The following R3HCC1 variants were observed in gnomAD, a reference collection of about 807,000 sequenced individuals.
R3HCC1 encodes R3H domain and coiled-coil containing 1, also known as R3H and coiled-coil domain-containing protein 1.
R3HCC1 carries 32 observed loss-of-function variants against 40.0 expected under a neutral mutation model. The observed-to-expected ratio is 0.80, with a 90% CI of 0.60 to 1.07. The LOEUF (loss-of-function observed/expected upper bound fraction) is 1.07, where lower values mean the gene tolerates loss of function less well. Ranked by LOEUF, R3HCC1 falls within the 50% of genes least tolerant of loss-of-function variation. The pLI is 0.00. For missense variants in R3HCC1, 586 were observed against 563.3 expected (o/e 1.04, Z -0.41); for synonymous variants, 237 against 232.8 (o/e 1.02, Z -0.17).
intron 7 of R3HCC1, 106 bp downstream of exon 7, chr8:23,294,970 C>A: frequency 1.2e-6 from 1 of 852,514 alleles, no homozygotes; most frequent in Admixed American, 2.0e-5. Flanking sequence ...AGGGTCTTCC[C>A]CTCTGTTAAT....
chr8:23,293,309 G>A lies in R3HCC1; in HGVS notation c.1032G>A (p.Lys344=), dbSNP rs1478614466. Residue 344 remains lysine, a synonymous_variant, in exon 6 of 8, where the codon AAG becomes AAA. Coordinates refer to ENST00000265806, the MANE Select transcript of R3HCC1 (RefSeq NM_001136108.3). Reference sequence around the variant, plus strand: ...CTCCTCTCTCGCCGCACAGAGAGAAGGGGTTCAGGATTCAGTGGGTGGATG... The same window carrying A: ...CTCCTCTCTCGCCGCACAGAGAGAAAGGGTTCAGGATTCAGTGGGTGGATG... 3 of 1,551,456 alleles carry A rather than the reference G, an allele frequency of 1.9e-6. No homozygotes were observed. Among genetic ancestry groups the A allele is most frequent in the Admixed American group, 3.9e-5 (2 of 50,990 alleles).
Position 23,290,441 on chromosome 8 carries a change from A to T in R3HCC1, c.824A>T (p.Glu275Val). Residue 275 changes from glutamate to valine, a missense_variant, in exon 4 of 8, where the codon GAG (glutamate) becomes GTG (valine). Transcript: ENST00000265806. ...GAGGATGGCCCCAGCAGCTGCTCGG[A>T]GGACGATTACAGTGAGCTGCTGCAG... 6.4e-7 allele frequency: 1 copy of T among 1,551,134 alleles called. No individual in the cohort carries two copies. The highest frequency in any genetic ancestry group is 8.7e-7 in the Non-Finnish European group (1 of 1,146,800).
chr8:23,293,634 G>A (rs1186771499), intron 6 of R3HCC1, among the ~76,000 whole-genome samples: 3 of 152,236 alleles, frequency 2.0e-5, no homozygotes, highest in African/African-American at 4.8e-5. Flanking sequence ...CTTTGCTGAG[G>A]AAGGTCGTGA....
chr8:23,291,169 CAAGT>C (rs1482611829), intron 4 of R3HCC1, 188 bp from the exon 5 acceptor site: 1 of 608,334 alleles, frequency 1.6e-6, no homozygotes, highest in Admixed American at 3.1e-5. Context: ...GGACTCCATA[CAAGT>C]AAGTGCCCTC....
At chr8:23,293,249 A>T in intron 5 of R3HCC1, 54 bp from the exon 6 acceptor site, 1 of 1,433,772 alleles carries the variant, frequency 7.0e-7, no homozygotes. Context: ...GGATTCGAAG[A>T]GGAGTTTGAC....
At chr8:23,291,570 G>T in intron 5 of R3HCC1, 37 bp downstream of exon 5, 1 of 1,546,822 alleles carries the variant, frequency 6.5e-7, no homozygotes, top group Non-Finnish European at 8.7e-7. Context: ...CTTCAGAGAG[G>T]AGCTAAGATA....
rs1484029781 is a variant in R3HCC1, at chr8:23,291,501, G to A, written c.993G>A (p.Thr331=). The A allele has an allele frequency of 7.1e-6, 11 of 1,551,272 alleles. No individual in the cohort carries two copies. Among genetic ancestry groups the A allele is most frequent in the Non-Finnish European group, 7.0e-6 (8 of 1,146,928 alleles). Reference sequence around the variant, plus strand: ...ATGACTTTGAACCAGCGCTCAAGACGGAGGACCTGCTGGCAACGTTTTCTG... The same window carrying A: ...ATGACTTTGAACCAGCGCTCAAGACAGAGGACCTGCTGGCAACGTTTTCTG... The change falls in exon 5 of 8, where the codon ACG becomes ACA. Residue 331 remains threonine, a synonymous_variant. Transcript: ENST00000265806.
intron 3 of R3HCC1, 109 bp downstream of exon 3, chr8:23,289,262 C>T (rs1049814927): frequency 7.7e-5 from 95 of 1,231,362 alleles, no homozygotes; most frequent in African/African-American, 1.2e-4. Flanking sequence ...CTGGGACCCC[C>T]GGCTGCTGCC....
At chr8:23,293,028 T>G (rs1431881729) in intron 5 of R3HCC1, among the ~76,000 whole-genome samples, 1 of 152,202 alleles carries the variant, frequency 6.6e-6, no homozygotes. Flanking sequence ...CTTGGTGTCG[T>G]GCCATATGAG....
chr8:23,288,755 A>AT, intron 2 of R3HCC1, 122 bp downstream of exon 2: 1 of 1,239,994 alleles, frequency 8.1e-7, no homozygotes, highest in Non-Finnish European at 1.1e-6. Flanking sequence ...TTTAGTCTTT[A>AT]TAACGCCAGC....
chr8:23,291,647 G>T, intron 5 of R3HCC1, 114 bp downstream of exon 5: 1 of 1,466,812 alleles, frequency 6.8e-7, no homozygotes, highest in Non-Finnish European at 9.1e-7. Flanking sequence ...AAGAGAGACA[G>T]AAAGTGGGTG....
intron 3 of R3HCC1, among the ~76,000 whole-genome samples, chr8:23,289,562 G>T (rs989320137): frequency 1.3e-5 from 2 of 152,158 alleles, no homozygotes; most frequent in African/African-American, 2.4e-5. Context: ...TGTTTGAAGT[G>T]ACATGTTTTT....
At chr8:23,291,973 G>T (rs1802877438) in intron 5 of R3HCC1, among the ~76,000 whole-genome samples, 1 of 152,226 alleles carries the variant, frequency 6.6e-6, no homozygotes, top group Non-Finnish European at 1.5e-5. Flanking sequence ...TCGGAATGGT[G>T]GCCAGAGGCT....
chr8:23,295,537 C>G lies in R3HCC1; in HGVS notation c.1193-430C>G, dbSNP rs180690440. 5.1e-4 allele frequency: 235 copies of G among 462,558 alleles called. No individual in the cohort carries two copies. In the East Asian group the frequency reaches 0.011, roughly 22 times the overall value. 28.7% of individuals were successfully genotyped at this position (462,558 alleles called of 1,614,324 possible). On this transcript the variant is annotated intron_variant, in intron 7 of 7. Transcript: ENST00000265806. ...CTAGTAAAATGGACCTGCAAGAGGC[C>G]TGCCGAGGCCAGCTGTGCTCTCGTG...
chr8:23,291,365 C>T lies in R3HCC1; in HGVS notation c.857C>T (p.Thr286Ile), dbSNP rs888375485. The T allele has an allele frequency of 3.9e-6, 6 of 1,551,662 alleles. No homozygotes were observed. The highest frequency in any genetic ancestry group is 1.4e-5 in the African/African-American group (1 of 73,166). The change falls in exon 5 of 8, where the codon ACA becomes ATA. Residue 286 changes from threonine (T) to isoleucine (I), a missense_variant. Transcript: ENST00000265806. ...TAAGGGTCCGATCTCTCCTAGATCA[C>T]AGACAACCTGACGAAGAAGGAGATT...
chr8:23,293,047 G>A (rs887749869), intron 5 of R3HCC1, among the ~76,000 whole-genome samples: 3 of 152,170 alleles, frequency 2.0e-5, no homozygotes, highest in African/African-American at 7.2e-5. Context: ...AGCTCTTTGA[G>A]TCCTGGCTTC....
At position 23,295,912 on chromosome 8, in the gene R3HCC1, G is replaced by A. The variant is rs376934479; in HGVS notation, c.1193-55G>A. 369 of 1,501,884 alleles carry A rather than the reference G, an allele frequency of 2.5e-4. 1 individual carries two copies. In the African/African-American group the frequency reaches 3.8e-3, roughly 15 times the overall value. The allele number at this position is 1,501,884 out of a possible 1,614,324, so 93.0% of individuals were successfully genotyped here. Reference sequence around the variant, plus strand: ...CTTGTACGGCTGCTGTGTTGCTGGGGGAGAGGCAGCCACGACCTTGTGTTT... The same window carrying A: ...CTTGTACGGCTGCTGTGTTGCTGGGAGAGAGGCAGCCACGACCTTGTGTTT... On this transcript the variant is annotated intron_variant, in intron 7 of 7. Coordinates refer to ENST00000265806, the MANE Select transcript of R3HCC1 (RefSeq NM_001136108.3).
At chr8:23,293,217 G>A in intron 5 of R3HCC1, 86 bp from the exon 6 acceptor site, 2 of 1,106,134 alleles carry the variant, frequency 1.8e-6, no homozygotes, top group Non-Finnish European at 2.7e-6. Context: ...CTGCGGGCTG[G>A]AGGCGAGGGG....
At chr8:23,292,209 C>T (rs1044551935) in intron 5 of R3HCC1, among the ~76,000 whole-genome samples, 5 of 152,122 alleles carry the variant, frequency 3.3e-5, no homozygotes, top group African/African-American at 9.7e-5. Context: ...CTTGCTGCAG[C>T]CTCAACCTCC....
Sources: allele counts gnomAD v4.1 joint callset (sites outside exome capture counted in the v4.1 genomes callset), GRCh38; gene constraint gnomAD v4.1.1; transcripts MANE v1.5; gene names NCBI Gene and HGNC (gene_info 2026-07-23, HGNC 2026-07-21).